Variants in TRAK1 observed in about 807,000 individuals in gnomAD.
The protein encoded by TRAK1 is trafficking kinesin protein 1, also known as trafficking kinesin-binding protein 1.
A neutral mutation model predicts 92.1 loss-of-function variants in TRAK1; 33 were observed. The ratio of observed to expected loss-of-function variants is 0.36; its 90% CI spans 0.27 to 0.48. The LOEUF is 0.48. TRAK1 is among the 20% of genes least tolerant of loss of function. The pLI is 0.99. For synonymous variants in TRAK1, 521 were observed against 517.3 expected, an observed-to-expected ratio of 1.01 and a Z score of -0.10; for missense variants, 1,123 against 1,257.9, an observed-to-expected ratio of 0.89 and a Z score of 1.62.
intron 2 of TRAK1, among the ~76,000 whole-genome samples, chr3:42,154,181 C>CT (rs921686764): frequency 1.3e-4 from 19 of 151,342 alleles, no homozygotes; most frequent in South Asian, 2.1e-4. Context: ...TTATTTATTT[C>CT]TTTTTTTTTG....
chr3:42,030,371 AAAT>A (rs1702079903), intron 1 of TRAK1, among the ~76,000 whole-genome samples: 2 of 84,616 alleles, frequency 2.4e-5, no homozygotes, highest in African/African-American at 3.4e-5. Flanking sequence ...CTAAAAAAAA[AAAT>A]ATATATATAT....
chr3:42,218,665 C>T (rs1709986407), intron 14 of TRAK1: 3 of 985,236 alleles, frequency 3.0e-6, no homozygotes, highest in Non-Finnish European at 3.6e-6. Context: ...TAATCTGCTG[C>T]AGACCATAGT....
chr3:42,214,958 A>G (rs917382645), intron 14 of TRAK1, among the ~76,000 whole-genome samples: 22 of 152,242 alleles, frequency 1.4e-4, no homozygotes, highest in African/African-American at 5.1e-4. Context: ...TTAAAACAAG[A>G]AAGTTGCACT....
intron 14 of TRAK1, chr3:42,218,837 G>T (rs1467138141): frequency 1.0e-6 from 1 of 985,292 alleles, no homozygotes; most frequent in East Asian, 1.1e-4. Flanking sequence ...ACACTGCTGT[G>T]TGTCAGACCA....
upstream of TRAK1, among the ~76,000 whole-genome samples, chr3:42,088,444 A>G (rs1576283284): frequency 6.6e-6 from 1 of 152,080 alleles, no homozygotes; most frequent in East Asian, 1.9e-4. Flanking sequence ...CACAGTTCCA[A>G]CATCTCCCTT....
Position 42,219,221 on chromosome 3 carries a change from G to A in TRAK1, c.1964-273G>A, listed in dbSNP as rs922376560. ...CCCCTCGCCTCCCACCCCCAGACTGGATCCACTACTGGCCCAAGAATACTG... is the reference window on the plus strand; with the variant it reads ...CCCCTCGCCTCCCACCCCCAGACTGAATCCACTACTGGCCCAAGAATACTG... On this transcript the variant is annotated intron_variant, in intron 14 of 15. Transcript: ENST00000327628. 1.2e-5 allele frequency: 12 copies of A among 984,778 alleles called. No homozygotes were observed. The Admixed American group carries it at 6.8e-4, about 56-fold the overall frequency. 61.0% of individuals were successfully genotyped at this position (984,778 alleles called of 1,614,324 possible). A position where few individuals can be genotyped will look rare whatever the true frequency, so the allele number is the denominator to read the frequency against.
chr3:42,176,931 G>A, intron 3 of TRAK1, 41 bp downstream of exon 3: 1 of 1,575,942 alleles, frequency 6.3e-7, no homozygotes, highest in Non-Finnish European at 8.7e-7. Flanking sequence ...GTTTATAATT[G>A]ACTGGTTTTC....
At position 42,210,877 on chromosome 3, in the gene TRAK1, A is replaced by G. The variant is rs184940711; in HGVS notation, c.1963+892A>G. On this transcript the variant is annotated intron_variant, in intron 14 of 15. Coordinates refer to ENST00000327628, the MANE Select transcript of TRAK1 (RefSeq NM_001042646.3). ...GTCCCCAAGCATTAAAGGTGTGGCCATGAGTTTACAGAATTACCCACATTC... is the reference window on the plus strand; with the variant it reads ...GTCCCCAAGCATTAAAGGTGTGGCCGTGAGTTTACAGAATTACCCACATTC... 2.4e-4 allele frequency: 232 copies of G among 985,328 alleles called. No individual in the cohort carries two copies. In the African/African-American group the frequency reaches 3.6e-3, roughly 15 times the overall value. The allele number at this position is 985,328 out of a possible 1,614,324, so 61.0% of individuals were successfully genotyped here. A position where few individuals can be genotyped will look rare whatever the true frequency, so the allele number is the denominator to read the frequency against.
upstream of TRAK1, among the ~76,000 whole-genome samples, chr3:42,083,839 C>T (rs1704542723): frequency 6.6e-6 from 1 of 151,852 alleles, no homozygotes; most frequent in African/African-American, 2.4e-5. Context: ...CACTGCACTC[C>T]AGCCTGGGTG....
intron 2 of TRAK1, among the ~76,000 whole-genome samples, chr3:42,136,427 C>A (rs752980964): frequency 1.4e-4 from 22 of 151,982 alleles, no homozygotes; most frequent in Non-Finnish European, 2.8e-4. Context: ...GCATTTGAGA[C>A]CAAGCTGGGC....
intron 2 of TRAK1, among the ~76,000 whole-genome samples, chr3:42,146,937 T>C (rs1699400010): frequency 6.6e-6 from 1 of 152,248 alleles, no homozygotes; most frequent in Non-Finnish European, 1.5e-5. Flanking sequence ...CGAACATTGC[T>C]GATTTTTTAG....
At chr3:42,176,917 A>G (rs1703303214) in intron 3 of TRAK1, 27 bp downstream of exon 3, 1 of 1,603,966 alleles carries the variant, frequency 6.2e-7, no homozygotes, top group African/African-American at 1.3e-5. Context: ...AAGGCAAAAG[A>G]GTTGTTTATA....
intron 2 of TRAK1, among the ~76,000 whole-genome samples, chr3:42,129,330 G>A (rs1696889131): frequency 6.6e-6 from 1 of 152,134 alleles, no homozygotes; most frequent in Admixed American, 6.5e-5. Context: ...GAGCGCTGGG[G>A]TTCTGATACG....
chr3:42,147,864 G>A (rs950328743), intron 2 of TRAK1, among the ~76,000 whole-genome samples: 10 of 152,288 alleles, frequency 6.6e-5, no homozygotes, highest in South Asian at 6.2e-4. Flanking sequence ...ACAACACAAC[G>A]TTACAGGCTC....
intron 1 of TRAK1, among the ~76,000 whole-genome samples, chr3:42,075,765 T>C (rs927707609): frequency 9.2e-5 from 14 of 152,266 alleles, no homozygotes; most frequent in Non-Finnish European, 1.5e-4. Flanking sequence ...TTTTTTCATA[T>C]GCTTTTTGGC....
At chr3:42,129,757 G>A (rs1696948328) in intron 2 of TRAK1, among the ~76,000 whole-genome samples, 1 of 152,118 alleles carries the variant, frequency 6.6e-6, no homozygotes, top group Non-Finnish European at 1.5e-5. Flanking sequence ...TGAGGATGGC[G>A]AGGCTCAGGG....
intron 1 of TRAK1, among the ~76,000 whole-genome samples, chr3:42,075,117 G>A (rs1484268492): frequency 6.6e-6 from 1 of 151,962 alleles, no homozygotes; most frequent in Non-Finnish European, 1.5e-5. Flanking sequence ...TAGCCATCTA[G>A]GTTGATTCCA....
intron 1 of TRAK1, among the ~76,000 whole-genome samples, chr3:42,070,272 G>GAATAATAATTATAATTATATTAATTATA (rs1559736243): frequency 4.8e-5 from 7 of 146,706 alleles, no homozygotes; most frequent in Non-Finnish European, 8.9e-5. Flanking sequence ...TAATAATTAT[G>GAATAATAATTATAATTATATTAATTATA]AATAATAATT....
At chr3:42,089,217 A>G (rs1038934991), upstream of TRAK1, among the ~76,000 whole-genome samples, 10 of 152,094 alleles carry the variant, frequency 6.6e-5, no homozygotes, top group Non-Finnish European at 1.3e-4. Flanking sequence ...TTCATACCCC[A>G]GTTTGTCAAG....
Sources: allele counts gnomAD v4.1 joint callset (sites outside exome capture counted in the v4.1 genomes callset), GRCh38; gene constraint gnomAD v4.1.1; transcripts MANE v1.5; gene names NCBI Gene and HGNC (gene_info 2026-07-23, HGNC 2026-07-21).